Variants in EVL observed in about 807,000 individuals in gnomAD.
The protein encoded by EVL is ena/VASP-like protein.
EVL carries 21 observed loss-of-function variants against 59.6 expected under a neutral mutation model. That is an observed-to-expected ratio of 0.35 (90% CI 0.25 to 0.51). EVL has a LOEUF of 0.51. Ranked by LOEUF, EVL falls within the 20% of genes least tolerant of loss-of-function variation. The pLI, the probability that EVL is intolerant of heterozygous loss-of-function variation, is 0.97. For missense variants in EVL, 462 were observed against 546.6 expected (o/e 0.85, Z 1.54); for synonymous variants, 198 against 203.5 (o/e 0.97, Z 0.23).
intron 1 of EVL, among the ~76,000 whole-genome samples, chr14:100,081,444 A>G (rs1595146588): frequency 6.6e-6 from 1 of 152,102 alleles, no homozygotes; most frequent in South Asian, 2.1e-4. Context: ...ATACTATTCA[A>G]AGGGTGGGGG....
chr14:100,082,467 C>T (rs1218579476), intron 1 of EVL, among the ~76,000 whole-genome samples: 1 of 152,152 alleles, frequency 6.6e-6, no homozygotes, highest in Non-Finnish European at 1.5e-5. Context: ...CTCTGCAGAG[C>T]ACCCTGTGTG....
chr14:100,002,654 GATTA>G (rs2060953132), intron 1 of EVL, among the ~76,000 whole-genome samples: 1 of 152,162 alleles, frequency 6.6e-6, no homozygotes, highest in African/African-American at 2.4e-5. Context: ...TATCTTAAAA[GATTA>G]ATTAGGTCAG....
rs150988529 is a variant in EVL, at chr14:100,021,775, CAGA to C, written c.5+49722_5+49724del. On this transcript the variant is annotated intron_variant, in intron 1 of 13. Coordinates refer to the EVL transcript ENST00000402714. ...TTAACAACCATTGGCTTAGGAAAAG[CAGA>C]AGATTACCTTCATGGAGATGGGAAG... is the stretch of plus-strand genomic sequence containing the variant. Among the ~76,000 whole-genome samples the C allele has an allele frequency of 1.3e-3, 195 of 152,232 alleles. 1 individual carries two copies. The highest frequency in any genetic ancestry group is 4.5e-3 in the African/African-American group (186 of 41,528).
At chr14:99,978,970 GAAGTCT>G (rs2060788698) in intron 1 of EVL, among the ~76,000 whole-genome samples, 1 of 152,148 alleles carries the variant, frequency 6.6e-6, no homozygotes, top group African/African-American at 2.4e-5. Context: ...TTCAAATAAA[GAAGTCT>G]AAGTCTCAGT....
chr14:99,975,464 C>A (rs1272770004), intron 1 of EVL, among the ~76,000 whole-genome samples: 1 of 152,184 alleles, frequency 6.6e-6, no homozygotes, highest in Non-Finnish European at 1.5e-5. Flanking sequence ...ACCTTTCCTT[C>A]TAGGGCTACA....
chr14:99,992,842 T>C (rs1231439070), intron 1 of EVL, among the ~76,000 whole-genome samples: 3 of 152,190 alleles, frequency 2.0e-5, no homozygotes, highest in Non-Finnish European at 4.4e-5. Context: ...CCTATCTGGC[T>C]TTTATTATGT....
intron 2 of EVL, chr14:100,097,063 T>C (rs575068736): frequency 1.3e-5 from 2 of 159,790 alleles, no homozygotes; most frequent in African/African-American, 4.8e-5. Context: ...ATAAATAAGA[T>C]ACGTATCACA....
intron 1 of EVL, among the ~76,000 whole-genome samples, chr14:99,983,189 C>G (rs943705986): frequency 5.3e-5 from 8 of 152,162 alleles, no homozygotes; most frequent in African/African-American, 1.9e-4. Context: ...TTAGAAACTG[C>G]AGTTGCTATT....
At chr14:100,030,166 C>T (rs995330915) in intron 1 of EVL, among the ~76,000 whole-genome samples, 1 of 150,954 alleles carries the variant, frequency 6.6e-6, no homozygotes, top group South Asian at 2.1e-4. Context: ...AATCTCAGCT[C>T]ACTGCAACCT....
chr14:99,981,534 A>C (rs532739811), intron 1 of EVL, among the ~76,000 whole-genome samples: 1 of 152,352 alleles, frequency 6.6e-6, no homozygotes, highest in South Asian at 2.1e-4. Flanking sequence ...TTTAAAGAGA[A>C]TATGTGTACT....
intron 1 of EVL, among the ~76,000 whole-genome samples, chr14:100,010,454 A>G (rs2061009550): frequency 6.6e-6 from 1 of 152,130 alleles, no homozygotes; most frequent in South Asian, 2.1e-4. Flanking sequence ...TGCCCAGGCA[A>G]CAAGATCGTG....
At chr14:100,136,021 A>G in intron 9 of EVL, 53 bp downstream of exon 9, 1 of 1,595,582 alleles carries the variant, frequency 6.3e-7, no homozygotes, top group Non-Finnish European at 8.6e-7. Flanking sequence ...TCAGAGTGGG[A>G]GGGGGGACCC....
At chr14:100,044,680 G>GGA (rs1366253185) in intron 1 of EVL, among the ~76,000 whole-genome samples, 2 of 152,180 alleles carry the variant, frequency 1.3e-5, no homozygotes, top group Non-Finnish European at 2.9e-5. Context: ...CAGGGTTCTT[G>GGA]GAGAAGACCA....
chr14:100,126,796 C>T (rs147474356), intron 5 of EVL, 25 bp downstream of exon 5: 42 of 1,610,038 alleles, frequency 2.6e-5, no homozygotes, highest in Admixed American at 1.3e-4. Context: ...CCCCTAGGGC[C>T]GACTCCCATG....
intron 3 of EVL, 40 bp from the exon 4 acceptor site, chr14:100,123,499 T>A (rs747049374): frequency 1.4e-5 from 22 of 1,610,354 alleles, no homozygotes; most frequent in Non-Finnish European, 1.7e-5. Flanking sequence ...GGGGCCTTTC[T>A]TCCTCTAACC....
At chr14:100,019,613 C>A in intron 1 of EVL, 2 of 1,496,062 alleles carry the variant, frequency 1.3e-6, no homozygotes, top group Admixed American at 4.2e-5. Flanking sequence ...TGGTTGTCCT[C>A]CATACCAAAA....
At chr14:100,080,280 A>G (rs1299647682) in intron 1 of EVL, among the ~76,000 whole-genome samples, 1 of 152,206 alleles carries the variant, frequency 6.6e-6, no homozygotes, top group African/African-American at 2.4e-5. Context: ...GCTGCATTCA[A>G]AGCTGTCCTG....
chr14:100,130,979 G>A lies in EVL; in HGVS notation c.839+1295G>A, dbSNP rs986472295. 2.6e-5 allele frequency among the ~76,000 whole-genome samples: 4 copies of A among 152,222 alleles called. No homozygotes were observed. Among genetic ancestry groups the A allele is most frequent in the African/African-American group, 7.2e-5 (3 of 41,462 alleles). ...CTCCGTGGGTGAGAGAGCCGGGAGG[G>A]CTCGCAGAACGATGAGGACGTCCCG... On this transcript the variant is annotated intron_variant, in intron 7 of 13. Transcript: ENST00000392920. The surrounding 1 kb of genome is among the most constrained non-coding windows in gnomAD (Gnocchi z 4.8).
rs541891534 is a variant in EVL, at chr14:100,130,245, C to A, written c.839+561C>A. ...TGAGACCTGGCCATGTGTGTCTGCT[C>A]GCTGCAGCGGGTGTGGCTGCAGCCT... On this transcript the variant is annotated intron_variant, in intron 7 of 13. Transcript: ENST00000392920. This position sits in a 1 kb window ranked among gnomAD's most constrained non-coding sequence, Gnocchi z 4.8. Among the ~76,000 whole-genome samples the A allele has an allele frequency of 5.2e-3, 796 of 152,184 alleles. 7 individuals carry two copies. The highest frequency in any genetic ancestry group is 0.021 in the Admixed American group (318 of 15,296).
Sources: gnomAD v4.1 joint callset for allele counts (sites outside exome capture counted in the v4.1 genomes callset) on GRCh38, gnomAD v4.1.1 for gene constraint, Gnocchi (gnomAD v3.1) non-coding constraint, MANE v1.5 for transcripts, NCBI Gene and HGNC (gene_info 2026-07-23, HGNC 2026-07-21) for gene names.